Variants in ATP8B1 observed in about 807,000 individuals in gnomAD.
ATP8B1 encodes ATPase phospholipid transporting 8B1, also known as phospholipid-transporting ATPase IC.
Under a neutral mutation model 149.9 loss-of-function variants are expected in ATP8B1, and 80 were observed. The ratio of observed to expected loss-of-function variants is 0.53; its 90% confidence interval spans 0.45 to 0.64. The LOEUF (loss-of-function observed/expected upper bound fraction) is 0.64, where lower values mean the gene tolerates loss of function less well. ATP8B1 is among the 30% of genes least tolerant of loss of function. ATP8B1 has a pLI of 0.00. For missense variants in ATP8B1, 1,247 were observed against 1,552.6 expected, an observed-to-expected ratio of 0.80 and a Z score of 3.31; for synonymous variants, 536 against 562.8, an observed-to-expected ratio of 0.95 and a Z score of 0.67.
intron 21 of ATP8B1, 38 bp downstream of exon 21, chr18:57,662,445 T>G (rs1422725778): frequency 6.2e-7 from 1 of 1,612,752 alleles, no homozygotes; most frequent in Non-Finnish European, 8.5e-7. Flanking sequence ...AACTTCTTTC[T>G]TTTGAGTTAA....
intron 3 of ATP8B1, among the ~76,000 whole-genome samples, chr18:57,705,282 C>T (rs1233551452): frequency 6.6e-6 from 1 of 152,126 alleles, no homozygotes; most frequent in Non-Finnish European, 1.5e-5. Flanking sequence ...TAGACAACAA[C>T]ATGGCCAAAG....
Position 57,773,200 on chromosome 18 carries a change from T to TAAAAAAAAAAAAA in ATP8B1, c.-26+29797_-26+29798insTTTTTTTTTTTTT, listed in dbSNP as rs530739448. On this transcript the variant is annotated intron_variant, in intron 1 of 27. Coordinates refer to ENST00000648908, the MANE Select transcript of ATP8B1 (RefSeq NM_001374385.1). The stretch of plus-strand genomic sequence containing the variant: ...CTGGGTGACAGAGCGAGACTCTGTC[T>TAAAAAAAAAAAAA]TAAAAAAAAAAAAAAAAAGAAAAGA... Among the ~76,000 whole-genome samples, 3 of 125,552 alleles carry TAAAAAAAAAAAAA rather than the reference T, an allele frequency of 2.4e-5. 1 individual carries two copies. The highest frequency in any genetic ancestry group is 3.1e-5 in the African/African-American group (1 of 32,700). The allele number at this position is 125,552 out of a possible 152,430, so 82.4% of individuals were successfully genotyped here.
At chr18:57,734,012 A>T (rs1309898960) in intron 1 of ATP8B1, 2 of 152,324 alleles carry the variant, frequency 1.3e-5, no homozygotes, top group Non-Finnish European at 2.9e-5. Context: ...AAATTGTGGC[A>T]TCTCATATTA....
intron 8 of ATP8B1, among the ~76,000 whole-genome samples, chr18:57,695,967 T>G (rs1912787279): frequency 6.6e-6 from 1 of 152,202 alleles, no homozygotes; most frequent in African/African-American, 2.4e-5. Context: ...GATCACATGT[T>G]TTTGAAAGAC....
At chr18:57,672,731 T>C (rs945074261) in intron 16 of ATP8B1, among the ~76,000 whole-genome samples, 1 of 150,874 alleles carries the variant, frequency 6.6e-6, no homozygotes, top group Admixed American at 6.6e-5. Context: ...CCAGGCATGG[T>C]GGCACATGCC....
At chr18:57,778,895 C>G (rs1182317052) in intron 1 of ATP8B1, among the ~76,000 whole-genome samples, 2 of 152,126 alleles carry the variant, frequency 1.3e-5, no homozygotes, top group Non-Finnish European at 2.9e-5. Flanking sequence ...AGGTCTAACC[C>G]CTGCTCAAGG....
chr18:57,682,942 G>A (rs934814504), intron 15 of ATP8B1, among the ~76,000 whole-genome samples: 5 of 151,882 alleles, frequency 3.3e-5, no homozygotes, highest in Admixed American at 6.6e-5. Context: ...GGGCTCAAGC[G>A]ATCCCCACCT....
chr18:57,777,686 G>A (rs886544945), intron 1 of ATP8B1, among the ~76,000 whole-genome samples: 1 of 151,998 alleles, frequency 6.6e-6, no homozygotes, highest in Non-Finnish European at 1.5e-5. Context: ...CTCCCACCTC[G>A]GCTTCTCAAG....
chr18:57,788,256 G>A (rs1002781718), intron 1 of ATP8B1, among the ~76,000 whole-genome samples: 2 of 151,778 alleles, frequency 1.3e-5, no homozygotes, highest in Admixed American at 6.6e-5. Flanking sequence ...TTTGAAGCAC[G>A]AAAAAATCGG....
chr18:57,704,789 T>C (rs1214226991), intron 3 of ATP8B1, 121 bp from the exon 4 acceptor site: 1 of 737,300 alleles, frequency 1.4e-6, no homozygotes, highest in East Asian at 2.8e-5. Context: ...GTCAGAAAGA[T>C]ATTGAGGATT....
chr18:57,648,723 G>C lies in ATP8B1; in HGVS notation c.3532-11C>G. On this transcript the variant is annotated splice_polypyrimidine_tract_variant and intron_variant, in intron 27 of 27. Transcript: ENST00000648908. ...GCGATGCTTCTGGATCTGCAAGGGG[G>C]AGAGATGGGGAGGGATGAAAATAAG... 2 of 1,549,354 alleles carry C rather than the reference G, an allele frequency of 1.3e-6. No individual in the cohort carries two copies. The highest frequency in any genetic ancestry group is 8.7e-7 in the Non-Finnish European group (1 of 1,146,750).
intron 6 of ATP8B1, among the ~76,000 whole-genome samples, chr18:57,700,790 C>T (rs552931108): frequency 2.0e-5 from 3 of 152,174 alleles, no homozygotes; most frequent in Non-Finnish European, 2.9e-5. Flanking sequence ...TGGTGGTGCA[C>T]GCCTGTAATC....
chr18:57,668,795 A>T (rs1911054860), intron 18 of ATP8B1: 2 of 439,300 alleles, frequency 4.6e-6, no homozygotes, highest in East Asian at 8.4e-5. Context: ...GTACAAAATC[A>T]AGGATGTTAA....
intron 1 of ATP8B1, among the ~76,000 whole-genome samples, chr18:57,753,458 T>C (rs968529692): frequency 1.3e-5 from 2 of 151,126 alleles, no homozygotes; most frequent in African/African-American, 4.8e-5. Flanking sequence ...ACAAAAACTC[T>C]CCTTCACATA....
intron 15 of ATP8B1, among the ~76,000 whole-genome samples, chr18:57,683,269 G>A (rs1006911958): frequency 3.3e-5 from 5 of 152,230 alleles, no homozygotes; most frequent in Admixed American, 1.3e-4. Context: ...TGAAGTGGAT[G>A]AAGTGAGGGA....
chr18:57,687,424 A>G (rs1410930190), intron 13 of ATP8B1, among the ~76,000 whole-genome samples: 1 of 152,338 alleles, frequency 6.6e-6, no homozygotes, highest in Admixed American at 6.5e-5. Flanking sequence ...AACGCTAAGC[A>G]TGTGGGAGTT....
intron 2 of ATP8B1, among the ~76,000 whole-genome samples, chr18:57,714,885 C>T (rs1044435629): frequency 7.2e-5 from 11 of 152,204 alleles, no homozygotes; most frequent in African/African-American, 2.7e-4. Context: ...AATGCCCAGA[C>T]ATTGATGAAC....
chr18:57,660,387 G>A (rs1285817567), intron 22 of ATP8B1, among the ~76,000 whole-genome samples: 1 of 152,208 alleles, frequency 6.6e-6, no homozygotes, highest in African/African-American at 2.4e-5. Flanking sequence ...AGTTCCCACA[G>A]ATTTACCAAA....
intron 1 of ATP8B1, among the ~76,000 whole-genome samples, chr18:57,758,011 A>G (rs2080101901): frequency 6.6e-6 from 1 of 152,024 alleles, no homozygotes; most frequent in African/African-American, 2.4e-5. Flanking sequence ...ATATTTAAAT[A>G]TAACTTAAAA....
Sources: gnomAD v4.1 joint callset for allele counts (sites outside exome capture counted in the v4.1 genomes callset) on GRCh38, gnomAD v4.1.1 for gene constraint, MANE v1.5 for transcripts, NCBI Gene and HGNC (gene_info 2026-07-23, HGNC 2026-07-21) for gene names.